CAPS2: variants seen among roughly 807,000 people sequenced by gnomAD.
The protein encoded by CAPS2 is calcyphosin-2.
CAPS2 carries 98 observed loss-of-function variants against 86.5 expected under a neutral mutation model. The observed-to-expected ratio is 1.13, with a 90% CI of 0.96 to 1.34. The LOEUF (loss-of-function observed/expected upper bound fraction) is 1.34. CAPS2 is among the 40% of genes most tolerant of loss of function. The pLI, the probability that CAPS2 is intolerant of heterozygous loss-of-function variation, is 0.00. For synonymous variants in CAPS2, 210 were observed against 225.1 expected (o/e 0.93, Z 0.60); for missense variants, 729 against 686.8 (o/e 1.06, Z -0.69).
At chr12:75,386,110 C>T (rs1420248980) in intron 1 of CAPS2, among the ~76,000 whole-genome samples, 1 of 151,930 alleles carries the variant, frequency 6.6e-6, no homozygotes, top group Non-Finnish European at 1.5e-5. Context: ...TTTAATGTAA[C>T]CCCAATCAAA....
intron 1 of CAPS2, among the ~76,000 whole-genome samples, chr12:75,384,591 C>T (rs147475666): frequency 2.8e-4 from 42 of 152,208 alleles, no homozygotes; most frequent in Middle Eastern, 3.4e-3. Flanking sequence ...AAAAAGTGAT[C>T]GATTCTGTAT....
chr12:75,387,645 A>ACCCC (rs2045360435), intron 1 of CAPS2, among the ~76,000 whole-genome samples: 1 of 152,194 alleles, frequency 6.6e-6, no homozygotes, highest in South Asian at 2.1e-4. Flanking sequence ...TCAAGGGGCC[A>ACCCC]TATCTGGTGT....
intron 1 of CAPS2, among the ~76,000 whole-genome samples, chr12:75,377,055 T>C (rs1422074838): frequency 1.3e-5 from 2 of 152,224 alleles, no homozygotes; most frequent in Non-Finnish European, 2.9e-5. Context: ...CTAAACTCCT[T>C]GTTTCTCAAG....
intron 7 of CAPS2, among the ~76,000 whole-genome samples, chr12:75,309,656 A>G (rs1173836287): frequency 6.6e-6 from 1 of 152,238 alleles, no homozygotes; most frequent in Non-Finnish European, 1.5e-5. Flanking sequence ...GAATTTATTG[A>G]GTTATTTCAA....
At chr12:75,279,707 GTC>G (rs1468535776) in intron 16 of CAPS2, among the ~76,000 whole-genome samples, 1 of 151,924 alleles carries the variant, frequency 6.6e-6, no homozygotes, top group African/African-American at 2.4e-5. Flanking sequence ...TAGAGAAAAA[GTC>G]ATTACTTTAT....
chr12:75,369,985 C>T lies in CAPS2; in HGVS notation c.-395+20853G>A, dbSNP rs370758207. The T allele has an allele frequency of 9.0e-5, 97 of 1,077,470 alleles. 1 individual carries two copies. In the East Asian group the frequency reaches 1.1e-3, roughly 12 times the overall value. 66.7% of individuals were successfully genotyped at this position (1,077,470 alleles called of 1,614,324 possible). A position where few individuals can be genotyped will look rare whatever the true frequency, so the allele number is the denominator to read the frequency against. On this transcript the variant is annotated intron_variant, in intron 1 of 5. Coordinates refer to the CAPS2 transcript ENST00000551829. ...GGACTCCACAACTTATTATACCTAA[C>T]CGTATGTATCAAAATATTTTAGTAT...
intron 7 of CAPS2, among the ~76,000 whole-genome samples, chr12:75,306,541 A>G (rs1161909664): frequency 1.3e-5 from 2 of 152,164 alleles, no homozygotes; most frequent in Admixed American, 1.3e-4. Context: ...AGTGTTTAGG[A>G]CATACGCATG....
chr12:75,376,519 C>A (rs2044656422), intron 1 of CAPS2, among the ~76,000 whole-genome samples: 1 of 152,146 alleles, frequency 6.6e-6, no homozygotes. Context: ...TCAGCTTTGT[C>A]TTGCCTGGCA....
chr12:75,292,900 A>C (rs1400561971), intron 12 of CAPS2, among the ~76,000 whole-genome samples: 1 of 151,434 alleles, frequency 6.6e-6, no homozygotes, highest in African/African-American at 2.4e-5. Flanking sequence ...AAATCATAAT[A>C]ACAATGTGAA....
At chr12:75,386,224 G>A (rs2045283489) in intron 1 of CAPS2, among the ~76,000 whole-genome samples, 1 of 152,146 alleles carries the variant, frequency 6.6e-6, no homozygotes, top group South Asian at 2.1e-4. Context: ...GAAGAACAAG[G>A]TTGCAGGACT....
chr12:75,317,290 C>CTTAGAGAT (rs1489088250), intron 5 of CAPS2, among the ~76,000 whole-genome samples: 2 of 152,014 alleles, frequency 1.3e-5, no homozygotes, highest in Non-Finnish European at 2.9e-5. Flanking sequence ...ATGAATCTCG[C>CTTAGAGAT]TTAGGTATTT....
At chr12:75,285,583 C>T (rs1258993753) in intron 14 of CAPS2, among the ~76,000 whole-genome samples, 1 of 151,878 alleles carries the variant, frequency 6.6e-6, no homozygotes, top group Non-Finnish European at 1.5e-5. Flanking sequence ...CTTGTACCTT[C>T]TGACCAATTT....
At chr12:75,378,455 G>A (rs2044779416) in intron 1 of CAPS2, among the ~76,000 whole-genome samples, 1 of 152,128 alleles carries the variant, frequency 6.6e-6, no homozygotes, top group African/African-American at 2.4e-5. Context: ...AGAGGGAGAG[G>A]CAGAAAGAGA....
At chr12:75,303,317 C>T (rs2038047460) in intron 8 of CAPS2, among the ~76,000 whole-genome samples, 1 of 152,048 alleles carries the variant, frequency 6.6e-6, no homozygotes, top group Non-Finnish European at 1.5e-5. Flanking sequence ...CAAATAAGTG[C>T]CATTAGAGAG....
At position 75,312,866 on chromosome 12, in the gene CAPS2, A is replaced by G. The variant is rs201019988; in HGVS notation, c.641T>C (p.Met214Thr). The stretch of plus-strand genomic sequence containing the variant: ...TTCTCACCTAGATAAGTGGTCTATC[A>G]TCACTTGCTCTGCAACAATCTGTTT... The change falls in exon 7 of 17, where the codon ATG (methionine) becomes ACG (threonine). Residue 214 changes from methionine to threonine, a missense_variant. Transcript: ENST00000393284. 226 of 1,601,188 alleles carry G rather than the reference A, an allele frequency of 1.4e-4. No homozygotes were observed. The highest frequency in any genetic ancestry group is 3.2e-4 in the Admixed American group (19 of 59,960).
At chr12:75,383,918 T>A (rs553496232) in intron 1 of CAPS2, among the ~76,000 whole-genome samples, 2 of 152,210 alleles carry the variant, frequency 1.3e-5, no homozygotes, top group Admixed American at 1.3e-4. Context: ...CACTTCTAAA[T>A]AACACATGGT....
At chr12:75,371,914 A>G (rs2044383297) in intron 1 of CAPS2, among the ~76,000 whole-genome samples, 1 of 152,228 alleles carries the variant, frequency 6.6e-6, no homozygotes, top group South Asian at 2.1e-4. Flanking sequence ...AATCACAGGC[A>G]TGGCAAAACT....
At chr12:75,382,089 T>C (rs2045026542) in intron 1 of CAPS2, among the ~76,000 whole-genome samples, 1 of 152,190 alleles carries the variant, frequency 6.6e-6, no homozygotes, top group East Asian at 1.9e-4. Flanking sequence ...ATGCTTCTCA[T>C]GCACAATTAT....
chr12:75,330,028 G>C (rs560035111), upstream of CAPS2: 150 of 518,822 alleles, frequency 2.9e-4, no homozygotes, highest in South Asian at 1.7e-3. Context: ...CTTTAGACAG[G>C]ACAGTCTAGA....
Sources: gnomAD v4.1 joint callset for allele counts (sites outside exome capture counted in the v4.1 genomes callset) on GRCh38, gnomAD v4.1.1 for gene constraint, MANE v1.5 for transcripts, NCBI Gene and HGNC (gene_info 2026-07-23, HGNC 2026-07-21) for gene names.